Variants in CCDC198 observed in about 807,000 individuals in gnomAD.
The protein encoded by CCDC198 is factor associated with metabolism and energy.
A neutral mutation model predicts 35.6 loss-of-function variants in CCDC198; 18 were observed. The observed-to-expected ratio is 0.51, with a 90% CI of 0.35 to 0.75. CCDC198 has a LOEUF of 0.75. Among genes scored for constraint, CCDC198 ranks in the 30% least tolerant of loss-of-function variants. The pLI, the probability that CCDC198 is intolerant of heterozygous loss-of-function variation, is 0.01. For missense variants in CCDC198, 365 were observed against 343.7 expected, an observed-to-expected ratio of 1.06 and a Z score of -0.49; for synonymous variants, 119 against 113.4, an observed-to-expected ratio of 1.05 and a Z score of -0.31.
In CCDC198 at chr14:57,470,026, T is replaced by C. The variant is rs904344750; in HGVS notation, c.*1329A>G. ...CATTTTACACAAAAGTTCTTAAAAATTGTCCCAAAAGCTAATTTTTCCAAG... is the reference window on the plus strand; with the variant it reads ...CATTTTACACAAAAGTTCTTAAAAACTGTCCCAAAAGCTAATTTTTCCAAG... On this transcript the variant is annotated 3_prime_UTR_variant, in exon 6 of 6. Coordinates refer to ENST00000216445, the MANE Select transcript of CCDC198 (RefSeq NM_018168.4). The C allele has an allele frequency of 6.6e-6, 1 of 152,230 alleles. No homozygotes were observed. The highest frequency in any genetic ancestry group is 2.4e-5 in the African/African-American group (1 of 41,464). The allele number at this position is 152,230 out of a possible 1,614,324, so 9.4% of individuals were successfully genotyped here.
intron 4 of CCDC198, 78 bp from the exon 5 acceptor site, chr14:57,480,832 T>A (rs938043082): frequency 1.4e-6 from 2 of 1,478,796 alleles, no homozygotes; most frequent in Middle Eastern, 3.6e-4. Flanking sequence ...ATCAGCCACT[T>A]TGCAAGTTGT....
chr14:57,480,850 T>C (rs1338151787), intron 4 of CCDC198, 96 bp from the exon 5 acceptor site: 2 of 1,190,862 alleles, frequency 1.7e-6, no homozygotes, highest in Non-Finnish European at 1.2e-6. Flanking sequence ...TGTGTGCTTA[T>C]CTGTAGACAT....
chr14:57,480,177 A>G (rs1402981291), intron 5 of CCDC198: 2 of 659,220 alleles, frequency 3.0e-6, no homozygotes, highest in Non-Finnish European at 3.8e-6. Context: ...ACCTCCACAG[A>G]AAAGGGTGCA....
rs571261292 is a variant in CCDC198, at chr14:57,471,453, A to G, written c.793T>C (p.Ser265Pro). 1 of 1,613,914 alleles carries G rather than the reference A, an allele frequency of 6.2e-7. No individual in the cohort carries two copies. The highest frequency in any genetic ancestry group is 1.1e-5 in the South Asian group (1 of 91,068). ...QLLWDSSSSD[S>P]DEQGKDEKKP... ...TTCTCATCTTTCCCCTGCTCATCTG[A>G]GTCAGAGCTGGAACTGTCCCAGAGA... is the stretch of plus-strand genomic sequence containing the variant. Residue 265 changes from serine (S) to proline (P), a missense_variant, in exon 6 of 6, where the codon TCA becomes CCA. By Grantham distance (74) the Ser-to-Pro change is moderately conservative. Transcript: ENST00000216445.
intron 5 of CCDC198, among the ~76,000 whole-genome samples, chr14:57,476,969 C>A (rs577365998): frequency 1.3e-5 from 2 of 152,308 alleles, no homozygotes; most frequent in African/African-American, 4.8e-5. Context: ...TGAAGGCTGT[C>A]GCCTCAGGAG....
Position 57,480,123 on chromosome 14 carries a change from G to A in CCDC198, c.655+472C>T, listed in dbSNP as rs114630911. 390 of 251,250 alleles carry A rather than the reference G, an allele frequency of 1.6e-3. 2 individuals are homozygous for A. Among genetic ancestry groups the A allele is most frequent in the African/African-American group, 8.4e-3 (364 of 43,220 alleles). The allele number at this position is 251,250 out of a possible 1,614,324, so 15.6% of individuals were successfully genotyped here. On this transcript the variant is annotated intron_variant, in intron 5 of 5. Coordinates refer to ENST00000216445, the MANE Select transcript of CCDC198 (RefSeq NM_018168.4). ...AGCAGGAACAGCAAGCTTAGGTTGG[G>A]CAGTGATTCATTCTAGAAATTCTGA...
chr14:57,488,087 C>A (rs561555146), intron 2 of CCDC198, among the ~76,000 whole-genome samples: 2 of 152,186 alleles, frequency 1.3e-5, no homozygotes, highest in South Asian at 4.1e-4. Flanking sequence ...GAATTGGAGT[C>A]AAAAAGGCCA....
chr14:57,482,339 G>T (rs1006933784), intron 3 of CCDC198, among the ~76,000 whole-genome samples: 1 of 152,134 alleles, frequency 6.6e-6, no homozygotes, highest in African/African-American at 2.4e-5. Flanking sequence ...TTGCTGTGTG[G>T]ATAGTGACTG....
Position 57,493,695 on chromosome 14 carries a change from C to T in CCDC198, c.21G>A (p.Lys7=). 1 of 1,613,162 alleles carries T rather than the reference C, an allele frequency of 6.2e-7. No individual in the cohort carries two copies. The highest frequency in any genetic ancestry group is 2.2e-5 in the East Asian group (1 of 44,842). Residue 7 remains lysine (K), a synonymous_variant, in exon 1 of 6, where the codon AAG becomes AAA. Transcript: ENST00000216445. MGLSHS[K]THLRVIKVAP... Reference sequence around the variant, plus strand: ...CTACTTTGATCACCCTAAGGTGAGTCTTAGAGTGACTCAGGCCCATTTCAT... The same window carrying T: ...CTACTTTGATCACCCTAAGGTGAGTTTTAGAGTGACTCAGGCCCATTTCAT...
chr14:57,480,884 G>A, intron 4 of CCDC198, 130 bp from the exon 5 acceptor site: 1 of 888,020 alleles, frequency 1.1e-6, no homozygotes, highest in South Asian at 1.9e-5. Flanking sequence ...ACCAGAACAT[G>A]GTTTTCTTTT....
At chr14:57,484,652 G>GGAAA (rs1159402458) in intron 2 of CCDC198, among the ~76,000 whole-genome samples, 1 of 152,174 alleles carries the variant, frequency 6.6e-6, no homozygotes, top group Non-Finnish European at 1.5e-5. Context: ...TTGAAGGAAT[G>GGAAA]GAAAGAAATT....
At chr14:57,474,525 T>C (rs2066911310) in intron 5 of CCDC198, among the ~76,000 whole-genome samples, 1 of 152,206 alleles carries the variant, frequency 6.6e-6, no homozygotes, top group African/African-American at 2.4e-5. Context: ...GGTCTAATGT[T>C]AGTGTATGAG....
chr14:57,483,160 T>G lies in CCDC198; in HGVS notation c.307-9A>C. 6.2e-7 allele frequency: 1 copy of G among 1,614,016 alleles called. No individual in the cohort carries two copies. The highest frequency in any genetic ancestry group is 1.7e-5 in the Admixed American group (1 of 59,988). On this transcript the variant is annotated splice_polypyrimidine_tract_variant and intron_variant, in intron 2 of 5. Coordinates refer to ENST00000216445, the MANE Select transcript of CCDC198 (RefSeq NM_018168.4). ...TCAATGGGTTCAAGCTTCTAGAAGT[T>G]CAACGTTTAGAGCAGTCAGCATTCC...
At chr14:57,480,871 C>T in intron 4 of CCDC198, 117 bp from the exon 5 acceptor site, 1 of 949,562 alleles carries the variant, frequency 1.1e-6, no homozygotes, top group South Asian at 1.7e-5. Context: ...CTGCAGTCCT[C>T]TAACCAGAAC....
chr14:57,486,281 A>G (rs1177486889), intron 2 of CCDC198, among the ~76,000 whole-genome samples: 1 of 152,188 alleles, frequency 6.6e-6, no homozygotes, highest in Non-Finnish European at 1.5e-5. Flanking sequence ...AATCTCATTC[A>G]ATCTTCATGT....
At chr14:57,475,217 T>C (rs979663815) in intron 5 of CCDC198, 15 of 376,892 alleles carry the variant, frequency 4.0e-5, no homozygotes, top group African/African-American at 1.6e-4. Context: ...GCAGAGATTG[T>C]GCCACTGCAC....
At chr14:57,480,891 T>C in intron 4 of CCDC198, 137 bp from the exon 5 acceptor site, 1 of 833,306 alleles carries the variant, frequency 1.2e-6, no homozygotes, top group Non-Finnish European at 1.9e-6. Context: ...CATGGTTTTC[T>C]TTTTCCTATT....
At chr14:57,478,478 A>G in intron 5 of CCDC198, 5 of 986,356 alleles carry the variant, frequency 5.1e-6, no homozygotes, top group Non-Finnish European at 6.0e-6. Context: ...CTTGAACAAA[A>G]CGAAGCAGCT....
At chr14:57,491,685 G>C (rs1369789027) in intron 1 of CCDC198, among the ~76,000 whole-genome samples, 1 of 152,086 alleles carries the variant, frequency 6.6e-6, no homozygotes, top group Non-Finnish European at 1.5e-5. Flanking sequence ...GAAACAGAGA[G>C]GCTCAACAGA....
Sources: gnomAD v4.1 joint callset for allele counts (sites outside exome capture counted in the v4.1 genomes callset) on GRCh38, gnomAD v4.1.1 for gene constraint, MANE v1.5 for transcripts, NCBI Gene and HGNC (gene_info 2026-07-23, HGNC 2026-07-21) for gene names.